Variants in RMDN2 observed in about 807,000 individuals in gnomAD.
The protein encoded by RMDN2 is regulator of microtubule dynamics protein 2.
In RMDN2, 61 loss-of-function variants were observed where a neutral mutation model predicts 52.8. The observed-to-expected ratio is 1.16, with a 90% CI of 0.94 to 1.43. RMDN2 has a LOEUF of 1.43. RMDN2 is among the 40% of genes most tolerant of loss of function. RMDN2 has a pLI of 0.00. For missense variants in RMDN2, 592 were observed against 475.3 expected, an observed-to-expected ratio of 1.25 and a Z score of -2.28; for synonymous variants, 180 against 153.1, an observed-to-expected ratio of 1.18 and a Z score of -1.30.
chr2:38,056,950 T>C (rs1403304751), intron 10 of RMDN2, among the ~76,000 whole-genome samples: 3 of 152,194 alleles, frequency 2.0e-5, no homozygotes, highest in Admixed American at 6.5e-5. Context: ...TTGTGAAAAA[T>C]GCCTTTGACC....
intron 2 of RMDN2, among the ~76,000 whole-genome samples, chr2:37,945,734 C>T (rs753525943): frequency 1.1e-4 from 17 of 152,134 alleles, no homozygotes; most frequent in Non-Finnish European, 2.4e-4. Context: ...ATTTAATATA[C>T]ACATTAACTC....
intron 10 of RMDN2, among the ~76,000 whole-genome samples, chr2:38,015,340 G>A (rs1678604292): frequency 6.6e-6 from 1 of 152,170 alleles, no homozygotes; most frequent in Non-Finnish European, 1.5e-5. Context: ...GCAGAGGCGT[G>A]CAGATCATTA....
At position 37,932,677 on chromosome 2, in the gene RMDN2, C is replaced by T. The variant is rs1443548099; in HGVS notation, c.452+2948C>T. 3.5e-5 allele frequency among the ~76,000 whole-genome samples: 5 copies of T among 142,964 alleles called. No individual in the cohort carries two copies. In the South Asian group the frequency reaches 6.8e-4, roughly 19 times the overall value. 93.8% of individuals were successfully genotyped at this position (142,964 alleles called of 152,430 possible). A position where few individuals can be genotyped will look rare whatever the true frequency, so the allele number is the denominator to read the frequency against. ...CCCCTCACCTCACGGGGCGGCTGGC[C>T]GGGCGGGGGGCTGACCCCCCCCACC... On this transcript the variant is annotated intron_variant, in intron 2 of 10. Coordinates refer to ENST00000354545, the MANE Select transcript of RMDN2 (RefSeq NM_001170791.3).
chr2:37,931,750 A>T (rs1220885488), intron 2 of RMDN2, among the ~76,000 whole-genome samples: 1 of 152,250 alleles, frequency 6.6e-6, no homozygotes, highest in Non-Finnish European at 1.5e-5. Context: ...TTCAAGAAGG[A>T]TTTGTGAAAT....
chr2:37,979,734 C>T (rs1673057880), intron 4 of RMDN2, among the ~76,000 whole-genome samples: 1 of 152,128 alleles, frequency 6.6e-6, no homozygotes, highest in African/African-American at 2.4e-5. Context: ...GGCTATGAAT[C>T]TAGTTTGTAT....
chr2:37,928,143 T>C (rs1323488277), intron 1 of RMDN2, among the ~76,000 whole-genome samples: 2 of 152,228 alleles, frequency 1.3e-5, no homozygotes, highest in African/African-American at 2.4e-5. Context: ...GTCCTTCTCT[T>C]TGACACTTAG....
chr2:37,939,827 C>T (rs914397331), intron 2 of RMDN2, among the ~76,000 whole-genome samples: 1 of 152,132 alleles, frequency 6.6e-6, no homozygotes, highest in African/African-American at 2.4e-5. Context: ...ACCAATGGGT[C>T]TTGACTCTTT....
chr2:37,962,873 C>G (rs997866409), intron 2 of RMDN2, among the ~76,000 whole-genome samples: 4 of 152,212 alleles, frequency 2.6e-5, no homozygotes, highest in African/African-American at 9.7e-5. Flanking sequence ...TTGCAAAAAA[C>G]ATAGGAAAAG....
intron 4 of RMDN2, among the ~76,000 whole-genome samples, chr2:37,976,057 C>T (rs192985645): frequency 1.3e-5 from 2 of 152,264 alleles, no homozygotes; most frequent in East Asian, 3.9e-4. Flanking sequence ...CTAGGGACTA[C>T]GAAGAATAAA....
chr2:38,015,198 G>C (rs1273978299), intron 10 of RMDN2, among the ~76,000 whole-genome samples: 1 of 152,180 alleles, frequency 6.6e-6, no homozygotes, highest in Non-Finnish European at 1.5e-5. Flanking sequence ...CTGGCTTAGT[G>C]CTCAGATGGC....
chr2:38,044,182 G>GT (rs1358772849), intron 10 of RMDN2, among the ~76,000 whole-genome samples: 2 of 151,752 alleles, frequency 1.3e-5, no homozygotes, highest in Non-Finnish European at 2.9e-5. Flanking sequence ...TAAATTTGTA[G>GT]TTTTTCTTTT....
At position 37,949,717 on chromosome 2, in the gene RMDN2, G is replaced by A. The variant is rs951085200; in HGVS notation, c.452+19988G>A. On this transcript the variant is annotated intron_variant, in intron 2 of 10. Transcript: ENST00000354545. ...TAGGAAGGGAGCAAAGGCTAGAGGC[G>A]GTAGTAGTATTTAGGATCAGGAAAT... Among the ~76,000 whole-genome samples the A allele has an allele frequency of 3.3e-5, 5 of 152,148 alleles. No homozygotes were observed. The East Asian group carries it at 9.7e-4, about 29-fold the overall frequency.
At chr2:37,951,160 C>A in intron 2 of RMDN2, 2 of 1,396,192 alleles carry the variant, frequency 1.4e-6, no homozygotes, top group South Asian at 1.5e-5. Flanking sequence ...GGATATTATT[C>A]TTCAGGAGGC....
downstream of RMDN2, among the ~76,000 whole-genome samples, chr2:38,020,421 G>A (rs888006617): frequency 6.6e-6 from 1 of 152,200 alleles, no homozygotes; most frequent in Non-Finnish European, 1.5e-5. Context: ...GGCACTTGAG[G>A]AGCCCTTCAG....
chr2:37,959,318 C>G (rs1329638591), intron 2 of RMDN2, among the ~76,000 whole-genome samples: 1 of 150,858 alleles, frequency 6.6e-6, no homozygotes, highest in African/African-American at 2.5e-5. Flanking sequence ...TAATTACTGC[C>G]TCAATTTCAG....
intron 10 of RMDN2, among the ~76,000 whole-genome samples, chr2:38,038,511 G>C (rs1369885101): frequency 1.3e-5 from 2 of 152,158 alleles, no homozygotes; most frequent in Non-Finnish European, 2.9e-5. Context: ...CCCGGTTACC[G>C]CTGCCTGCAA....
At position 37,997,525 on chromosome 2, in the gene RMDN2, T is replaced by C. The variant is rs777247674; in HGVS notation, c.1044+11T>C. ...CACAATTTCCTTAAGGTACATTTTG[T>C]GTATCCATTATTTTAGTGTCAGACT... On this transcript the variant is annotated intron_variant, in intron 8 of 10. Transcript: ENST00000354545. 2 of 1,544,922 alleles carry C rather than the reference T, an allele frequency of 1.3e-6. No homozygotes were observed. The highest frequency in any genetic ancestry group is 2.2e-5 in the South Asian group (2 of 89,562).
At chr2:37,950,914 C>G (rs1275635378) in intron 2 of RMDN2, among the ~76,000 whole-genome samples, 2 of 152,060 alleles carry the variant, frequency 1.3e-5, no homozygotes, top group East Asian at 3.8e-4. Context: ...GTTCTGGTAT[C>G]CTTGCATATG....
At chr2:38,040,367 G>A (rs1240068639) in intron 10 of RMDN2, among the ~76,000 whole-genome samples, 2 of 152,060 alleles carry the variant, frequency 1.3e-5, no homozygotes, top group Non-Finnish European at 2.9e-5. Flanking sequence ...ATTAAGAAGT[G>A]GGGCCTTTGG....
Sources: allele counts gnomAD v4.1 joint callset (sites outside exome capture counted in the v4.1 genomes callset), GRCh38; gene constraint gnomAD v4.1.1; transcripts MANE v1.5; gene names NCBI Gene and HGNC (gene_info 2026-07-23, HGNC 2026-07-21).